USP42: variants seen among roughly 807,000 people sequenced by gnomAD.
USP42 encodes the protein ubiquitin specific peptidase 42, also known as ubiquitin carboxyl-terminal hydrolase 42.
A neutral mutation model predicts 113.0 loss-of-function variants in USP42; 23 were observed. The observed-to-expected ratio is 0.20, with a 90% CI of 0.15 to 0.29. USP42 has a LOEUF of 0.29. USP42 is among the 10% of genes least tolerant of loss of function. The pLI is 1.00. For synonymous variants in USP42, 933 were observed against 699.0 expected, an observed-to-expected ratio of 1.33 and a Z score of -5.28; for missense variants, 2,174 against 1,779.8, an observed-to-expected ratio of 1.22 and a Z score of -3.99.
the USP42 span, among the ~76,000 whole-genome samples, chr7:6,086,700 C>CTTTCCTTTCCTTTTCCT: frequency 6.9e-6 from 1 of 144,394 alleles, no homozygotes; most frequent in Non-Finnish European, 1.5e-5. Flanking sequence ...TTCCCCTTTC[C>CTTTCCTTTCCTTTTCCT]TTTCCTTTCC....
At chr7:6,104,680 C>G (rs1026142042), upstream of USP42, among the ~76,000 whole-genome samples, 1 of 152,184 alleles carries the variant, frequency 6.6e-6, no homozygotes, top group African/African-American at 2.4e-5. Context: ...AGACGCGCGA[C>G]CAGCCCAGCC....
At chr7:6,136,188 C>T (rs924340044) in intron 4 of USP42, among the ~76,000 whole-genome samples, 4 of 151,792 alleles carry the variant, frequency 2.6e-5, no homozygotes, top group African/African-American at 9.7e-5. Flanking sequence ...ACTTTTAGTA[C>T]AGATGGGGTT....
the USP42 span, among the ~76,000 whole-genome samples, chr7:6,081,955 A>C: frequency 3.3e-5 from 5 of 152,174 alleles, no homozygotes; most frequent in African/African-American, 1.2e-4. Context: ...AACAACACAT[A>C]AAATAACATA....
At chr7:6,086,672 T>C in the USP42 span, among the ~76,000 whole-genome samples, 1 of 139,128 alleles carries the variant, frequency 7.2e-6, no homozygotes, top group Non-Finnish European at 1.5e-5. Flanking sequence ...CCCTTCCCCC[T>C]TCCCTTCCCC....
rs1471744205 is a variant in USP42, at chr7:6,145,672, T to G, written c.1131+16T>G. The G allele has an allele frequency of 6.2e-7, 1 of 1,610,042 alleles. No homozygotes were observed. The highest frequency in any genetic ancestry group is 2.2e-5 in the East Asian group (1 of 44,826). ...CTACATAAAAGTAAGCTGTGCAGAT[T>G]TGCTATTAACTATTGTTACATACAT... is the stretch of plus-strand genomic sequence containing the variant. On this transcript the variant is annotated intron_variant, in intron 10 of 17. Transcript: ENST00000306177.
At position 6,154,078 on chromosome 7, in the gene USP42, G is replaced by A; in HGVS notation, c.2524G>A (p.Gly842Ser). The A allele has an allele frequency of 6.2e-7, 1 of 1,605,884 alleles. No individual in the cohort carries two copies. The highest frequency in any genetic ancestry group is 1.1e-5 in the South Asian group (1 of 91,018). Residue 842 changes from glycine to serine, a missense_variant, in exon 15 of 18, where the codon GGC becomes AGC. By Grantham distance (56) the Gly-to-Ser change is moderately conservative. Coordinates refer to ENST00000306177, the MANE Select transcript of USP42 (RefSeq NM_032172.3). ...SQDAKGMIAE[G>S]PRDSALAEAP... ...GGACGCAAAGGGGATGATCGCGGAG[G>A]GCCCGCGGGACTCGGCGTTGGCGGA...
At chr7:6,100,004 C>CTATTTTTTTTATTATTAT (rs141280623), upstream of USP42, among the ~76,000 whole-genome samples, 1 of 144,290 alleles carries the variant, frequency 6.9e-6, no homozygotes, top group Non-Finnish European at 1.5e-5. Flanking sequence ...TTTCACAAGT[C>CTATTTTTTTTATTATTAT]TATTATTATT....
At chr7:6,083,223 CTTATTTATTTATTTATTTAT>C in the USP42 span, among the ~76,000 whole-genome samples, 2,128 of 130,848 alleles carry the variant, frequency 0.016, 42 homozygotes, top group Non-Finnish European at 0.025. Context: ...CCGCACCCAG[CTTATTTATTTATTTATTTAT>C]TTATTTATTT....
Position 6,159,130 on chromosome 7 carries a change from T to C in USP42, c.3944-320T>C, listed in dbSNP as rs1782627947. 6.6e-6 allele frequency among the ~76,000 whole-genome samples: 1 copy of C among 152,130 alleles called. No homozygotes were observed. The highest frequency in any genetic ancestry group is 1.5e-5 in the Non-Finnish European group (1 of 68,010). On this transcript the variant is annotated intron_variant, in intron 16 of 17. Transcript: ENST00000306177. The surrounding 1 kb of genome is among the most constrained non-coding windows in gnomAD (Gnocchi z 4.1). ...CCCCTCTACCCTGGACTTCGGCCCCTTGTCTTTCTCTTTCAAACTCCTCCT... is the reference window on the plus strand; with the variant it reads ...CCCCTCTACCCTGGACTTCGGCCCCCTGTCTTTCTCTTTCAAACTCCTCCT...
At chr7:6,097,807 G>A in the USP42 span, among the ~76,000 whole-genome samples, 4 of 149,726 alleles carry the variant, frequency 2.7e-5, no homozygotes, top group Admixed American at 2.7e-4. Context: ...AGCAAGGATG[G>A]TCTCGATCTC....
At position 6,144,208 on chromosome 7, in the gene USP42, A is replaced by T. The variant is rs779629704; in HGVS notation, c.990+12A>T. 1 of 1,520,116 alleles carries T rather than the reference A, an allele frequency of 6.6e-7. No individual in the cohort carries two copies. Among genetic ancestry groups the T allele is most frequent in the Non-Finnish European group, 9.0e-7 (1 of 1,114,510 alleles). 94.2% of individuals were successfully genotyped at this position (1,520,116 alleles called of 1,614,324 possible). A position where few individuals can be genotyped will look rare whatever the true frequency, so the allele number is the denominator to read the frequency against. On this transcript the variant is annotated intron_variant, in intron 9 of 17. Coordinates refer to ENST00000306177, the MANE Select transcript of USP42 (RefSeq NM_032172.3). ...GAAAAATTGCTAAGGTATGTGGATG[A>T]TGTCATTAATCATGTTTTATGTCGA... is the stretch of plus-strand genomic sequence containing the variant.
rs1381522323 is a variant in USP42 at position 6,159,233 on chromosome 7, C to T, written c.3944-217C>T. Reference sequence around the variant, plus strand: ...CAGGCTGCGTGTGGGTTGGATGGAGCCCTCAGTCATCACGTAAACCCTTTG... The same window carrying T: ...CAGGCTGCGTGTGGGTTGGATGGAGTCCTCAGTCATCACGTAAACCCTTTG... On this transcript the variant is annotated intron_variant, in intron 16 of 17. Transcript: ENST00000306177. The surrounding 1 kb of genome is among the most constrained non-coding windows in gnomAD (Gnocchi z 4.1). Among the ~76,000 whole-genome samples the T allele has an allele frequency of 6.6e-6, 1 of 152,130 alleles. No individual in the cohort carries two copies. Among genetic ancestry groups the T allele is most frequent in the Non-Finnish European group, 1.5e-5 (1 of 68,018 alleles).
the USP42 span, among the ~76,000 whole-genome samples, chr7:6,090,284 T>C: frequency 1.6e-5 from 2 of 128,926 alleles, no homozygotes; most frequent in Non-Finnish European, 3.2e-5. Context: ...TGGGCAACAA[T>C]ATTGAAACTC....
intron 1 of USP42, among the ~76,000 whole-genome samples, chr7:6,109,331 G>C (rs1047798240): frequency 2.6e-5 from 4 of 152,152 alleles, no homozygotes; most frequent in Non-Finnish European, 5.9e-5. Flanking sequence ...GTGAAGTCCA[G>C]ACATTAAGAT....
upstream of USP42, among the ~76,000 whole-genome samples, chr7:6,100,104 C>T (rs1206051507): frequency 6.7e-6 from 1 of 149,974 alleles, no homozygotes; most frequent in African/African-American, 2.5e-5. Flanking sequence ...CTTCCGGCCT[C>T]AGCCTCCTAA....
chr7:6,104,701 C>T (rs1779155130), upstream of USP42, among the ~76,000 whole-genome samples: 1 of 152,202 alleles, frequency 6.6e-6, no homozygotes, highest in Non-Finnish European at 1.5e-5. Context: ...AATCAGCGCG[C>T]TCCCTCTGCC....
At chr7:6,140,802 A>G (rs1341931383) in intron 6 of USP42, 112 bp from the exon 7 acceptor site, 2 of 641,998 alleles carry the variant, frequency 3.1e-6, no homozygotes, top group East Asian at 3.2e-5. Flanking sequence ...ATTGATAGAA[A>G]AATTACAGTT....
At chr7:6,150,765 G>A (rs1374205946) in intron 14 of USP42, among the ~76,000 whole-genome samples, 2 of 152,150 alleles carry the variant, frequency 1.3e-5, no homozygotes, top group East Asian at 1.9e-4. Flanking sequence ...ACCTCTCTCT[G>A]GTTAGCGGTG....
the USP42 span, among the ~76,000 whole-genome samples, chr7:6,092,097 C>T: frequency 0.02 from 740 of 36,510 alleles, 63 homozygotes; most frequent in African/African-American, 0.032. Flanking sequence ...CTTCTTCTTC[C>T]TCCTCTTCTT....
Sources: allele counts gnomAD v4.1 joint callset (sites outside exome capture counted in the v4.1 genomes callset), GRCh38; gene constraint gnomAD v4.1.1; non-coding constraint Gnocchi (gnomAD v3.1); transcripts MANE v1.5; gene names NCBI Gene and HGNC (gene_info 2026-07-23, HGNC 2026-07-21).